The following SUMF1 variants were observed in gnomAD, a reference collection of about 807,000 sequenced individuals.
The protein encoded by SUMF1 is formylglycine-generating enzyme.
Under a neutral mutation model 47.6 loss-of-function variants are expected in SUMF1, and 48 were observed. The observed-to-expected ratio is 1.01, with a 90% CI of 0.80 to 1.28. The LOEUF is 1.28. Among genes scored for constraint, SUMF1 ranks in the 50% most tolerant of loss-of-function variants. The pLI is 0.00. For missense variants in SUMF1, 571 were observed against 485.4 expected, an observed-to-expected ratio of 1.18 and a Z score of -1.66; for synonymous variants, 230 against 192.1, an observed-to-expected ratio of 1.20 and a Z score of -1.63.
intron 8 of SUMF1, among the ~76,000 whole-genome samples, chr3:4,287,307 T>C (rs1160657845): frequency 6.6e-6 from 1 of 151,988 alleles, no homozygotes; most frequent in African/African-American, 2.4e-5. Context: ...TTTCAGAAAT[T>C]GAGGCAGTAA....
chr3:4,283,967 C>T (rs116024052), intron 8 of SUMF1, among the ~76,000 whole-genome samples: 6,163 of 152,262 alleles, frequency 0.04, 164 homozygotes, highest in Middle Eastern at 0.078. Context: ...CTGCTCTCAT[C>T]ACCTAATCAT....
chr3:4,303,754 C>G (rs1459261292), intron 8 of SUMF1: 15 of 1,476,930 alleles, frequency 1.0e-5, no homozygotes, highest in Non-Finnish European at 1.4e-5. Flanking sequence ...TTCCCTGAAG[C>G]GCAGAACCGG....
chr3:4,385,789 T>C (rs986635644), intron 7 of SUMF1, among the ~76,000 whole-genome samples: 6 of 152,220 alleles, frequency 3.9e-5, no homozygotes, highest in Admixed American at 1.3e-4. Flanking sequence ...GTGATTCATT[T>C]GGAGTCAATT....
chr3:4,052,401 GC>G (rs1159579077), intron 9 of SUMF1, among the ~76,000 whole-genome samples: 6 of 152,118 alleles, frequency 3.9e-5, no homozygotes, highest in African/African-American at 1.4e-4. Context: ...GTATTTATCT[GC>G]CCCTTCCTAG....
chr3:4,450,328 A>T (rs1179987656), intron 2 of SUMF1, among the ~76,000 whole-genome samples: 1 of 152,198 alleles, frequency 6.6e-6, no homozygotes, highest in Non-Finnish European at 1.5e-5. Flanking sequence ...ATGACTCTCA[A>T]ATCTCTACCT....
At chr3:4,104,399 T>A (rs1176395565) in intron 8 of SUMF1, among the ~76,000 whole-genome samples, 1 of 152,042 alleles carries the variant, frequency 6.6e-6, no homozygotes, top group Non-Finnish European at 1.5e-5. Context: ...ACCAGCAGCA[T>A]GAAAACAGAC....
intron 8 of SUMF1, among the ~76,000 whole-genome samples, chr3:4,135,804 A>T (rs192883516): frequency 3.9e-5 from 6 of 152,306 alleles, no homozygotes; most frequent in Non-Finnish European, 7.3e-5. Flanking sequence ...AATGTGCAAA[A>T]ATCACAAGCA....
Position 4,170,634 on chromosome 3 carries a change from C to A in SUMF1, c.1015-101889G>T, listed in dbSNP as rs571260401. Among the ~76,000 whole-genome samples, 12 of 152,186 alleles carry A rather than the reference C, an allele frequency of 7.9e-5. 1 individual carries two copies. The East Asian group carries it at 1.2e-3, about 15-fold the overall frequency. On this transcript the variant is annotated intron_variant and NMD_transcript_variant, in intron 8 of 12. Transcript: ENST00000448413. ...GTGTAGTATTGTCACCAATAACAGA[C>A]AATAGATCGATGAAACAGAGTAGAG...
chr3:4,239,233 G>C (rs1220311052), intron 8 of SUMF1, among the ~76,000 whole-genome samples: 1 of 151,998 alleles, frequency 6.6e-6, no homozygotes, highest in East Asian at 1.9e-4. Flanking sequence ...TGTTCTTTTT[G>C]CTTAAGATTG....
intron 8 of SUMF1, chr3:4,303,629 C>G (rs896663473): frequency 7.2e-7 from 1 of 1,395,346 alleles, no homozygotes; most frequent in Non-Finnish European, 9.3e-7. Context: ...GACCTTTTGT[C>G]TTCTCTTACA....
intron 8 of SUMF1, among the ~76,000 whole-genome samples, chr3:4,254,040 G>T (rs1696881545): frequency 6.6e-6 from 1 of 151,162 alleles, no homozygotes; most frequent in South Asian, 2.1e-4. Flanking sequence ...CAACAGACCT[G>T]CAGCTGAGGG....
intron 8 of SUMF1, among the ~76,000 whole-genome samples, chr3:4,140,137 C>T (rs939020683): frequency 6.6e-6 from 1 of 152,022 alleles, no homozygotes; most frequent in East Asian, 1.9e-4. Context: ...GGAATTTATC[C>T]TAATTTTCAT....
Position 4,410,910 on chromosome 3 carries a change from T to G in SUMF1, c.909A>C (p.Ser303=). Residue 303 remains serine, a synonymous_variant, in exon 7 of 9, where the codon TCA becomes TCC. Transcript: ENST00000272902. ...CAGAATGATGAACAGTCCACCAGTC[T>G]GAAGTCCATTCCCATGCGTTCCCCA... ...NIVGNAWEWT[S]DWWTVHHSVE... 6.2e-7 allele frequency: 1 copy of G among 1,614,130 alleles called. No individual in the cohort carries two copies. Among genetic ancestry groups the G allele is most frequent in the Non-Finnish European group, 8.5e-7 (1 of 1,179,954 alleles).
At chr3:4,357,509 G>T (rs928586021), downstream of SUMF1, among the ~76,000 whole-genome samples, 12 of 151,502 alleles carry the variant, frequency 7.9e-5, no homozygotes, top group Non-Finnish European at 1.6e-4. Context: ...TATAGTCCCT[G>T]AAAAATAGAA....
chr3:4,247,050 G>A (rs1696687244), intron 8 of SUMF1, among the ~76,000 whole-genome samples: 2 of 152,036 alleles, frequency 1.3e-5, no homozygotes, highest in South Asian at 4.1e-4. Context: ...CATGTTTTCA[G>A]TATTAATTTC....
intron 3 of SUMF1, among the ~76,000 whole-genome samples, chr3:4,445,133 C>T (rs973053766): frequency 2.0e-5 from 3 of 151,984 alleles, no homozygotes; most frequent in African/African-American, 7.2e-5. Context: ...TTGATACAAC[C>T]CCAAAATAAG....
intron 8 of SUMF1, among the ~76,000 whole-genome samples, chr3:4,261,100 G>A (rs1464384211): frequency 6.6e-6 from 1 of 152,176 alleles, no homozygotes; most frequent in Admixed American, 6.5e-5. Flanking sequence ...GGAAAACTGA[G>A]GTCCACAGAG....
At chr3:4,057,069 G>A (rs1160872197) in intron 9 of SUMF1, among the ~76,000 whole-genome samples, 2 of 152,084 alleles carry the variant, frequency 1.3e-5, no homozygotes, top group African/African-American at 4.8e-5. Context: ...TTTACAACAA[G>A]CATGAATAAC....
At chr3:4,295,629 G>A (rs943595703) in intron 8 of SUMF1, among the ~76,000 whole-genome samples, 8 of 152,090 alleles carry the variant, frequency 5.3e-5, no homozygotes, top group Non-Finnish European at 8.8e-5. Flanking sequence ...ATTTGAATAC[G>A]CATGATAATA....
Sources: gnomAD v4.1 joint callset for allele counts (sites outside exome capture counted in the v4.1 genomes callset) on GRCh38, gnomAD v4.1.1 for gene constraint, MANE v1.5 for transcripts, NCBI Gene and HGNC (gene_info 2026-07-23, HGNC 2026-07-21) for gene names.